Variants in ZNF804A observed in about 807,000 individuals in gnomAD.
ZNF804A encodes zinc finger protein 804A.
In ZNF804A, 2 loss-of-function variants were observed where a neutral mutation model predicts 16.5. The ratio of observed to expected loss-of-function variants is 0.12; its 90% CI spans 0.05 to 0.38. The LOEUF (loss-of-function observed/expected upper bound fraction) is 0.38. Ranked by LOEUF, ZNF804A falls within the 10% of genes least tolerant of loss-of-function variation. ZNF804A has a pLI of 0.99. For missense variants in ZNF804A, 1,473 were observed against 1,390.7 expected (o/e 1.06, Z -0.94); for synonymous variants, 534 against 489.6 (o/e 1.09, Z -1.20).
At chr2:184,899,291 CACTCATTGAAGTTT>C (rs1230124680) in intron 2 of ZNF804A, among the ~76,000 whole-genome samples, 6 of 152,002 alleles carry the variant, frequency 3.9e-5, no homozygotes, top group Non-Finnish European at 8.8e-5. Context: ...ATAGGCAGAT[CACTCATTGAAGTTT>C]GTGTCCCACA....
At chr2:184,917,708 A>C (rs1408259293) in intron 2 of ZNF804A, among the ~76,000 whole-genome samples, 1 of 151,964 alleles carries the variant, frequency 6.6e-6, no homozygotes, top group African/African-American at 2.4e-5. Flanking sequence ...AATACAGTAA[A>C]TATAAGATTT....
chr2:184,694,771 A>T (rs779565503), intron 1 of ZNF804A, among the ~76,000 whole-genome samples: 13 of 152,226 alleles, frequency 8.5e-5, no homozygotes, highest in Non-Finnish European at 1.8e-4. Flanking sequence ...TGAAATTCAG[A>T]TTAATCTCAG....
intron 1 of ZNF804A, among the ~76,000 whole-genome samples, chr2:184,769,175 C>T (rs1694174846): frequency 6.6e-6 from 1 of 152,022 alleles, no homozygotes; most frequent in Non-Finnish European, 1.5e-5. Flanking sequence ...TGGAGAATGA[C>T]CTATAGTAAT....
At chr2:184,675,192 G>A (rs959737273) in intron 1 of ZNF804A, among the ~76,000 whole-genome samples, 5 of 151,774 alleles carry the variant, frequency 3.3e-5, no homozygotes, top group Non-Finnish European at 7.4e-5. Flanking sequence ...ACAAAGAGAC[G>A]TATGTTCACA....
chr2:184,890,109 G>A (rs1684957460), intron 2 of ZNF804A, among the ~76,000 whole-genome samples: 1 of 152,112 alleles, frequency 6.6e-6, no homozygotes, highest in Non-Finnish European at 1.5e-5. Context: ...TTAGCATGAT[G>A]AGTTCCAATC....
chr2:184,936,991 T>C lies in ZNF804A; in HGVS notation c.1595T>C (p.Leu532Pro), dbSNP rs1026968578. ...ACTCCTCTTTTGGCTGATGATATTC[T>C]CTCCAGTAGTTGTGATTCTGGAAAA... ...QVTPLLADDILSSSCDSGKNE... is the reference protein window; with the variant it reads ...QVTPLLADDIPSSSCDSGKNE... Residue 532 changes from leucine (L) to proline (P), a missense_variant, in exon 4 of 4, where the codon CTC (leucine) becomes CCC (proline). Physicochemically the swap from Leu to Pro is moderately conservative, Grantham distance 98. Coordinates refer to ENST00000302277, the MANE Select transcript of ZNF804A (RefSeq NM_194250.2). The C allele has an allele frequency of 1.2e-6, 2 of 1,613,766 alleles. No individual in the cohort carries two copies. Among genetic ancestry groups the C allele is most frequent in the Non-Finnish European group, 1.7e-6 (2 of 1,179,914 alleles).
chr2:184,736,676 G>C (rs577064021), intron 1 of ZNF804A, among the ~76,000 whole-genome samples: 8 of 151,352 alleles, frequency 5.3e-5, no homozygotes, highest in Non-Finnish European at 1.2e-4. Context: ...AAACCTGCAC[G>C]TTCTGCACAT....
At chr2:184,923,055 A>G (rs1685554759) in intron 2 of ZNF804A, among the ~76,000 whole-genome samples, 1 of 152,020 alleles carries the variant, frequency 6.6e-6, no homozygotes, top group Non-Finnish European at 1.5e-5. Flanking sequence ...TTGTGGTTCC[A>G]TATACATTTT....
intron 1 of ZNF804A, among the ~76,000 whole-genome samples, chr2:184,833,009 C>T (rs1395384304): frequency 6.6e-6 from 1 of 151,934 alleles, no homozygotes; most frequent in Non-Finnish European, 1.5e-5. Context: ...AATATTTTCC[C>T]AGCAGTGAGA....
chr2:184,874,113 A>G (rs1441235437), intron 2 of ZNF804A, among the ~76,000 whole-genome samples: 2 of 152,116 alleles, frequency 1.3e-5, no homozygotes, highest in African/African-American at 4.8e-5. Flanking sequence ...CAAAGACTAC[A>G]CCTTTTTTAT....
At chr2:184,902,120 A>G (rs897129196) in intron 2 of ZNF804A, 2 of 153,148 alleles carry the variant, frequency 1.3e-5, no homozygotes, top group Non-Finnish European at 2.9e-5. Context: ...AGCTTATCCT[A>G]ATTTTATTGG....
chr2:184,928,036 C>T (rs1685636404), intron 2 of ZNF804A, among the ~76,000 whole-genome samples: 1 of 151,986 alleles, frequency 6.6e-6, no homozygotes, highest in Non-Finnish European at 1.5e-5. Context: ...CTACTTTTCT[C>T]AAGCAGAGGA....
chr2:184,746,285 C>T (rs1693788715), intron 1 of ZNF804A, among the ~76,000 whole-genome samples: 1 of 151,318 alleles, frequency 6.6e-6, no homozygotes, highest in South Asian at 2.1e-4. Context: ...GACCTTATTC[C>T]TTCTAAGTGT....
intron 1 of ZNF804A, among the ~76,000 whole-genome samples, chr2:184,705,148 A>C (rs1283505307): frequency 1.3e-5 from 2 of 152,150 alleles, no homozygotes; most frequent in Middle Eastern, 3.2e-3. Context: ...AATATGTAGG[A>C]GATTTCTGAT....
At position 184,725,699 on chromosome 2, in the gene ZNF804A, A is replaced by T. The variant is rs143211784; in HGVS notation, c.111+126629A>T. On this transcript the variant is annotated intron_variant, in intron 1 of 3. Transcript: ENST00000302277. ...TCTATATCATTTTACCACATAGGTA[A>T]ATTTGTGTAACTACCACTGCAATCA... Among the ~76,000 whole-genome samples the T allele has an allele frequency of 3.1e-3, 469 of 151,548 alleles. 2 individuals carry two copies. The highest frequency in any genetic ancestry group is 5.2e-3 in the Non-Finnish European group (351 of 67,576).
At chr2:184,639,468 T>C (rs1691758088) in intron 1 of ZNF804A, among the ~76,000 whole-genome samples, 1 of 152,136 alleles carries the variant, frequency 6.6e-6, no homozygotes, top group African/African-American at 2.4e-5. Context: ...GTTCTTAATA[T>C]ATAGTTTTGA....
At chr2:184,800,131 C>G (rs1028626102) in intron 1 of ZNF804A, among the ~76,000 whole-genome samples, 18 of 151,876 alleles carry the variant, frequency 1.2e-4, no homozygotes, top group Non-Finnish European at 2.9e-5. Context: ...GTGATGACCT[C>G]TCATTCACTT....
rs969710153 is a variant in ZNF804A at position 184,640,036 on chromosome 2, A to T, written c.111+40966A>T. On this transcript the variant is annotated intron_variant, in intron 1 of 3. Transcript: ENST00000302277. ...AATTAATTTAATAAATAAATAAAAT[A>T]AAAAAAAATAGAGATCAAGGTAACT... Among the ~76,000 whole-genome samples the T allele has an allele frequency of 4.7e-5, 7 of 148,342 alleles. No homozygotes were observed. In the East Asian group the frequency reaches 9.7e-4, roughly 21 times the overall value.
At chr2:184,724,891 G>A (rs975485931) in intron 1 of ZNF804A, among the ~76,000 whole-genome samples, 1 of 151,738 alleles carries the variant, frequency 6.6e-6, no homozygotes, top group Admixed American at 6.6e-5. Flanking sequence ...TTAGAGAGAT[G>A]AAATAATGTG....
Sources: allele counts gnomAD v4.1 joint callset (sites outside exome capture counted in the v4.1 genomes callset), GRCh38; gene constraint gnomAD v4.1.1; transcripts MANE v1.5; gene names NCBI Gene and HGNC (gene_info 2026-07-23, HGNC 2026-07-21).